EYS: variants seen among roughly 807,000 people sequenced by gnomAD.
EYS encodes EGF-like photoreceptor maintenance factor, also known as protein eyes shut homolog.
A neutral mutation model predicts 282.1 loss-of-function variants in EYS; 250 were observed. The ratio of observed to expected loss-of-function variants is 0.89; its 90% CI spans 0.80 to 0.98. EYS has a LOEUF of 0.98. EYS is among the 50% of genes least tolerant of loss of function. The pLI is 0.00. For missense variants in EYS, 4,016 were observed against 3,709.0 expected, an observed-to-expected ratio of 1.08 and a Z score of -2.15; for synonymous variants, 1,355 against 1,282.9, an observed-to-expected ratio of 1.06 and a Z score of -1.20.
At chr6:64,792,691 T>C (rs1277167233) in intron 22 of EYS, among the ~76,000 whole-genome samples, 1 of 152,084 alleles carries the variant, frequency 6.6e-6, no homozygotes, top group Admixed American at 6.6e-5. Context: ...AAAAGCAGCA[T>C]GTACCCGTGT....
intron 31 of EYS, among the ~76,000 whole-genome samples, chr6:64,192,560 G>A (rs1765148839): frequency 6.6e-6 from 1 of 151,992 alleles, no homozygotes; most frequent in African/African-American, 2.4e-5. Flanking sequence ...TGACAAACCT[G>A]AGAAAAACAA....
chr6:65,445,407 G>A (rs1259875701), intron 5 of EYS, among the ~76,000 whole-genome samples: 2 of 151,310 alleles, frequency 1.3e-5, no homozygotes, highest in Non-Finnish European at 3.0e-5. Context: ...GAGAAAATCA[G>A]AGCAATAAAT....
At chr6:63,732,358 A>G (rs1768803044) in intron 41 of EYS, among the ~76,000 whole-genome samples, 1 of 152,256 alleles carries the variant, frequency 6.6e-6, no homozygotes, top group Admixed American at 6.5e-5. Flanking sequence ...TCAGTAACAA[A>G]GTACTGGGGA....
chr6:64,822,839 A>C lies in EYS; in HGVS notation c.2993-17T>G. 6.5e-7 allele frequency: 1 copy of C among 1,536,220 alleles called. No individual in the cohort carries two copies. Among genetic ancestry groups the C allele is most frequent in the Non-Finnish European group, 8.8e-7 (1 of 1,139,240 alleles). ...AGTTGATGCCTGTGTTGGAACAGAC[A>C]AGGCAAAACATGAAACCATTTAAAT... On this transcript the variant is annotated splice_polypyrimidine_tract_variant and intron_variant, in intron 19 of 42. Transcript: ENST00000503581.
At chr6:65,103,546 C>T (rs911300705) in intron 12 of EYS, among the ~76,000 whole-genome samples, 7 of 151,414 alleles carry the variant, frequency 4.6e-5, no homozygotes, top group Admixed American at 1.3e-4. Flanking sequence ...GGGACCCATG[C>T]TGTTGACTTA....
intron 26 of EYS, among the ~76,000 whole-genome samples, chr6:64,466,882 T>C (rs1401786161): frequency 1.3e-5 from 2 of 152,090 alleles, no homozygotes; most frequent in African/African-American, 2.4e-5. Context: ...TGTCATTTAA[T>C]ATATTTAATT....
In EYS at chr6:63,957,149, C is replaced by T. The variant is rs1320139077; in HGVS notation, c.7055+27234G>A. On this transcript the variant is annotated intron_variant, in intron 35 of 42. Transcript: ENST00000503581. ...TGTAAGACAATATTTTTTTGAAAGA[C>T]ACATTACTGTCTTCTTGTACTTAGG... 1.4e-5 allele frequency among the ~76,000 whole-genome samples: 2 copies of T among 142,448 alleles called. 1 individual carries two copies. The highest frequency in any genetic ancestry group is 1.5e-4 in the Admixed American group (2 of 13,450). The allele number at this position is 142,448 out of a possible 152,430, so 93.5% of individuals were successfully genotyped here.
intron 12 of EYS, among the ~76,000 whole-genome samples, chr6:65,263,703 CTGTGTGTGTGTGTGTG>C (rs3042394): frequency 7.1e-6 from 1 of 141,316 alleles, no homozygotes; most frequent in Admixed American, 7.2e-5. Flanking sequence ...CAAGGCAAAG[CTGTGTGTGTGTGTGTG>C]TGTGTGTGTG....
chr6:65,482,876 C>G (rs1264504579), intron 5 of EYS, among the ~76,000 whole-genome samples: 1 of 152,104 alleles, frequency 6.6e-6, no homozygotes, highest in African/African-American at 2.4e-5. Context: ...TTTAGTGAAA[C>G]TAAAAACAGT....
intron 22 of EYS, among the ~76,000 whole-genome samples, chr6:64,629,101 G>A (rs914119497): frequency 6.6e-6 from 1 of 152,094 alleles, no homozygotes; most frequent in Admixed American, 6.5e-5. Flanking sequence ...GGCTCCTTTA[G>A]ACTGTAATAT....
chr6:64,107,271 GTATATATATATATTTATATATATATATA>G (rs1297274129), intron 31 of EYS, among the ~76,000 whole-genome samples: 9 of 99,952 alleles, frequency 9.0e-5, no homozygotes, highest in African/African-American at 2.7e-4. Context: ...GTGTGTGTGT[GTATATATATATATTTATATATATATATA>G]TATATATATA....
At chr6:64,273,075 A>G (rs1767994738) in intron 30 of EYS, among the ~76,000 whole-genome samples, 1 of 152,148 alleles carries the variant, frequency 6.6e-6, no homozygotes, top group East Asian at 1.9e-4. Context: ...AATTTATTTT[A>G]TCTTACTGCA....
intron 29 of EYS, among the ~76,000 whole-genome samples, chr6:64,314,096 C>A (rs1486463335): frequency 1.3e-5 from 2 of 149,858 alleles, no homozygotes; most frequent in South Asian, 2.1e-4. Flanking sequence ...AGTCAAGACC[C>A]TTCGCTGTGC....
chr6:64,479,036 T>C (rs1482995251), intron 26 of EYS, among the ~76,000 whole-genome samples: 2 of 152,084 alleles, frequency 1.3e-5, no homozygotes, highest in East Asian at 3.9e-4. Context: ...ATATATTGTG[T>C]AGAGAAATCA....
At chr6:63,826,874 CAA>C (rs574119158) in intron 36 of EYS, among the ~76,000 whole-genome samples, 1 of 91,420 alleles carries the variant, frequency 1.1e-5, no homozygotes, top group African/African-American at 3.9e-5. Context: ...AGGACAAAAA[CAA>C]AAAAAAAATA....
At chr6:64,423,797 G>C (rs936010718) in intron 28 of EYS, among the ~76,000 whole-genome samples, 1 of 152,052 alleles carries the variant, frequency 6.6e-6, no homozygotes, top group Non-Finnish European at 1.5e-5. Flanking sequence ...GACAGAGCAA[G>C]ACTCCATCAT....
At chr6:64,699,225 C>T (rs1000922987) in intron 22 of EYS, among the ~76,000 whole-genome samples, 7 of 151,974 alleles carry the variant, frequency 4.6e-5, no homozygotes, top group Middle Eastern at 3.4e-3. Context: ...ACACAGGAAC[C>T]GAAAACCAAA....
intron 12 of EYS, among the ~76,000 whole-genome samples, chr6:65,062,878 T>C (rs939203093): frequency 3.9e-5 from 6 of 152,026 alleles, no homozygotes; most frequent in Non-Finnish European, 8.8e-5. Flanking sequence ...CACATAGACA[T>C]GCATGTATAT....
intron 26 of EYS, among the ~76,000 whole-genome samples, chr6:64,467,315 T>C (rs945293155): frequency 5.3e-5 from 8 of 152,198 alleles, no homozygotes; most frequent in African/African-American, 1.9e-4. Flanking sequence ...AGAACAGTTA[T>C]ATAATGTCAG....
Sources: allele counts gnomAD v4.1 joint callset (sites outside exome capture counted in the v4.1 genomes callset), GRCh38; gene constraint gnomAD v4.1.1; transcripts MANE v1.5; gene names NCBI Gene and HGNC (gene_info 2026-07-23, HGNC 2026-07-21).